Variants in RCOR3 observed in about 807,000 individuals in gnomAD.
The protein encoded by RCOR3 is REST corepressor 3.
A neutral mutation model predicts 64.1 loss-of-function variants in RCOR3; 13 were observed. The observed-to-expected ratio is 0.20, with a 90% CI of 0.13 to 0.32. The LOEUF is 0.32. RCOR3 is among the 10% of genes least tolerant of loss of function. The pLI is 1.00. For missense variants in RCOR3, 489 were observed against 701.2 expected (o/e 0.70, Z 3.42); for synonymous variants, 215 against 239.0 (o/e 0.90, Z 0.93).
intron 2 of RCOR3, among the ~76,000 whole-genome samples, chr1:211,265,690 G>A (rs1695072083): frequency 6.6e-6 from 1 of 152,180 alleles, no homozygotes; most frequent in African/African-American, 2.4e-5. Context: ...TTGCACTCCA[G>A]CCTGGCGACA....
intron 1 of RCOR3, 165 bp from the exon 2 acceptor site, chr1:211,259,943 C>G (rs1263179785): frequency 7.3e-7 from 1 of 1,364,688 alleles, no homozygotes; most frequent in African/African-American, 1.5e-5. Flanking sequence ...CGCTCCCCGC[C>G]CCCAATCCGC....
intron 9 of RCOR3, among the ~76,000 whole-genome samples, chr1:211,299,675 C>T (rs1311953631): frequency 2.6e-5 from 4 of 152,054 alleles, no homozygotes; most frequent in African/African-American, 9.7e-5. Flanking sequence ...ATTCACTAAG[C>T]GTGTCATAGA....
rs904256594 is a variant in RCOR3 at position 211,312,395 on chromosome 1, G to A, written c.1076-325G>A. 6.2e-6 allele frequency: 3 copies of A among 487,744 alleles called. No homozygotes were observed. The highest frequency in any genetic ancestry group is 1.2e-5 in the Non-Finnish European group (3 of 247,936). The allele number at this position is 487,744 out of a possible 1,614,324, so 30.2% of individuals were successfully genotyped here. ...GGAAATAAATGAATGTGGAATTGAG[G>A]ATGGAACAAAGAATTCAATGCTTTA... On this transcript the variant is annotated intron_variant, in intron 10 of 11. Transcript: ENST00000419091. The surrounding 1 kb of genome is among the most constrained non-coding windows in gnomAD (Gnocchi z 5.0).
At chr1:211,292,866 G>A (rs1050676224) in intron 8 of RCOR3, among the ~76,000 whole-genome samples, 1 of 152,022 alleles carries the variant, frequency 6.6e-6, no homozygotes. Context: ...CAGGTGAATC[G>A]CGAGGTTAGG....
intron 2 of RCOR3, among the ~76,000 whole-genome samples, chr1:211,270,437 C>T (rs553093846): frequency 6.6e-6 from 1 of 151,898 alleles, no homozygotes; most frequent in African/African-American, 2.4e-5. Flanking sequence ...AATAAATGAA[C>T]TTAATTTAAA....
chr1:211,301,552 T>C lies in RCOR3; in HGVS notation c.1018-2531T>C, dbSNP rs542764608. 2.0e-5 allele frequency: 3 copies of C among 152,322 alleles called. No individual in the cohort carries two copies. In the East Asian group the frequency reaches 5.8e-4, roughly 29 times the overall value. The allele number at this position is 152,322 out of a possible 1,614,324, so 9.4% of individuals were successfully genotyped here. A position where few individuals can be genotyped will look rare whatever the true frequency, so the allele number is the denominator to read the frequency against. On this transcript the variant is annotated intron_variant, in intron 9 of 11. Transcript: ENST00000419091. ...TAATTTAGTTAAATATCACCAACTT[T>C]CCAGGCTATCACTTCTTACTGACAC...
At chr1:211,293,868 A>G (rs1475710201) in intron 8 of RCOR3, among the ~76,000 whole-genome samples, 5 of 152,202 alleles carry the variant, frequency 3.3e-5, no homozygotes, top group Admixed American at 6.5e-5. Flanking sequence ...AAAACAGAGG[A>G]AAAAAGTAAA....
At position 211,272,612 on chromosome 1, in the gene RCOR3, CTTTTTTTT is replaced by C. The variant is rs768152573; in HGVS notation, c.301+1323_301+1330del. Among the ~76,000 whole-genome samples, 327 of 43,512 alleles carry C rather than the reference CTTTTTTTT, an allele frequency of 7.5e-3. 5 individuals carry two copies. The highest frequency in any genetic ancestry group is 7.7e-3 in the Non-Finnish European group (204 of 26,416). 28.5% of individuals were successfully genotyped at this position (43,512 alleles called of 152,430 possible). ...TCAAGGGTGGATCCTGGATGTCTTACTTTTTTTTTTTTTTTTTTTTTTTTTTTGAGACG... is the reference window on the plus strand; with the variant it reads ...TCAAGGGTGGATCCTGGATGTCTTACTTTTTTTTTTTTTTTTTTTGAGACG... On this transcript the variant is annotated intron_variant, in intron 3 of 11. Coordinates refer to ENST00000419091, the MANE Select transcript of RCOR3 (RefSeq NM_001136223.3).
Position 211,260,123 on chromosome 1 carries a change from T to C in RCOR3, c.182T>C (p.Val61Ala). 1.9e-6 allele frequency: 3 copies of C among 1,611,592 alleles called. No individual in the cohort carries two copies. Among genetic ancestry groups the C allele is most frequent in the Non-Finnish European group, 2.5e-6 (3 of 1,178,620 alleles). Residue 61 changes from valine (V) to alanine (A), a missense_variant, in exon 2 of 12, where the codon GTC becomes GCC. Val to Ala is a moderately conservative substitution (Grantham distance 64). Coordinates refer to ENST00000419091, the MANE Select transcript of RCOR3 (RefSeq NM_001136223.3). ...TGCTTTGCAGATGTTGGGATGAGAG[T>C]CGGAGCCGAATACCAAGCTCGGATC... The part of the protein sequence containing the change: ...SDDEHDVGMR[V>A]GAEYQARIPE...
intron 2 of RCOR3, 38 bp from the exon 3 acceptor site, chr1:211,271,194 A>G: frequency 6.4e-7 from 1 of 1,562,640 alleles, no homozygotes; most frequent in Non-Finnish European, 8.8e-7. Flanking sequence ...GTGTAAATAA[A>G]ATCCATCATA....
At chr1:211,306,083 G>T (rs1700824534) in intron 10 of RCOR3, among the ~76,000 whole-genome samples, 1 of 151,610 alleles carries the variant, frequency 6.6e-6, no homozygotes, top group African/African-American at 2.4e-5. Context: ...TTCATTTTTG[G>T]GTTTTTGTTG....
Position 211,313,631 on chromosome 1 carries a change from C to T in RCOR3, c.1525C>T (p.Pro509Ser). The change falls in exon 12 of 12, where the codon CCT becomes TCT. Residue 509 changes from proline to serine, a missense_variant. Coordinates refer to ENST00000419091, the MANE Select transcript of RCOR3 (RefSeq NM_001136223.3). This position sits in a 1 kb window ranked among gnomAD's most constrained non-coding sequence, Gnocchi z 4.7. ...FIQPRPTLNQPPPPLIRPANS... is the reference protein window; with the variant it reads ...FIQPRPTLNQSPPPLIRPANS... ...CCAGCCCCGGCCAACTTTAAATCAGCCTCCACCACCTCTTATTCGCCCTGC... is the reference window on the plus strand; with the variant it reads ...CCAGCCCCGGCCAACTTTAAATCAGTCTCCACCACCTCTTATTCGCCCTGC... The T allele has an allele frequency of 6.2e-7, 1 of 1,614,230 alleles. No homozygotes were observed. The highest frequency in any genetic ancestry group is 8.5e-7 in the Non-Finnish European group (1 of 1,180,048).
In RCOR3 at chr1:211,314,207, A is replaced by G. The variant is rs1205014820; in HGVS notation, c.*439A>G. 1.3e-5 allele frequency: 2 copies of G among 153,438 alleles called. No individual in the cohort carries two copies. The highest frequency in any genetic ancestry group is 2.9e-5 in the Non-Finnish European group (2 of 69,028). 9.5% of individuals were successfully genotyped at this position (153,438 alleles called of 1,614,324 possible). ...TAAGGATGTTTGGCTTTTTTCTTTA[A>G]TTTTTTAAAAACCATTTTCCTATGT... On this transcript the variant is annotated 3_prime_UTR_variant, in exon 12 of 12. Transcript: ENST00000419091.
intron 9 of RCOR3, chr1:211,301,742 A>C (rs1049181768): frequency 6.6e-6 from 1 of 152,074 alleles, no homozygotes; most frequent in African/African-American, 2.4e-5. Flanking sequence ...TATACTCTGT[A>C]CTTTTTAACT....
rs746013450 is a variant in RCOR3, at chr1:211,313,746, A to G, written c.1640A>G (p.Asp547Gly). Residue 547 changes from aspartate to glycine, a missense_variant, in exon 12 of 12, where the codon GAT becomes GGT. Transcript: ENST00000419091. This position sits in a 1 kb window ranked among gnomAD's most constrained non-coding sequence, Gnocchi z 4.7. ...QPPSLIGIQTDSQSSLH is the reference protein window; with the variant it reads ...QPPSLIGIQTGSQSSLH ...CCATCACTTATTGGAATTCAGACAG[A>G]TTCACAGTCCTCACTGCACTAAAAA... 6.2e-7 allele frequency: 1 copy of G among 1,614,190 alleles called. No homozygotes were observed. The highest frequency in any genetic ancestry group is 1.3e-5 in the African/African-American group (1 of 75,062).
intron 2 of RCOR3, chr1:211,261,007 CCT>C (rs1448820152): frequency 2.6e-5 from 4 of 152,362 alleles, no homozygotes; most frequent in African/African-American, 9.6e-5. Flanking sequence ...CTTGCTGGAG[CCT>C]CTCGGAGTGG....
intron 7 of RCOR3, among the ~76,000 whole-genome samples, chr1:211,287,359 A>G (rs1698673483): frequency 6.6e-6 from 1 of 152,176 alleles, no homozygotes; most frequent in African/African-American, 2.4e-5. Flanking sequence ...TAGGCAAATG[A>G]CAACTACTGC....
intron 2 of RCOR3, among the ~76,000 whole-genome samples, chr1:211,267,270 T>G (rs1695368689): frequency 6.6e-6 from 1 of 152,202 alleles, no homozygotes; most frequent in South Asian, 2.1e-4. Context: ...GTAGCAGAGC[T>G]GGTATTCAGA....
chr1:211,286,379 C>T (rs1164658632), intron 7 of RCOR3, among the ~76,000 whole-genome samples: 3 of 150,568 alleles, frequency 2.0e-5, no homozygotes, highest in African/African-American at 7.3e-5. Context: ...GTGATCTCGG[C>T]TCACTGCAAC....
Sources: allele counts gnomAD v4.1 joint callset (sites outside exome capture counted in the v4.1 genomes callset), GRCh38; gene constraint gnomAD v4.1.1; non-coding constraint Gnocchi (gnomAD v3.1); transcripts MANE v1.5; gene names NCBI Gene and HGNC (gene_info 2026-07-23, HGNC 2026-07-21).